Variants in ABCA12 observed in about 807,000 individuals in gnomAD.
ABCA12 encodes the protein glucosylceramide transporter ABCA12.
ABCA12 carries 156 observed loss-of-function variants against 293.5 expected under a neutral mutation model. That is an observed-to-expected ratio of 0.53 (90% confidence interval 0.47 to 0.61). ABCA12 has a LOEUF of 0.61. Among genes scored for constraint, ABCA12 ranks in the 20% least tolerant of loss-of-function variants. The pLI is 0.00. For missense variants in ABCA12, 2,797 were observed against 3,090.2 expected, an observed-to-expected ratio of 0.91 and a Z score of 2.25; for synonymous variants, 1,063 against 1,108.0, an observed-to-expected ratio of 0.96 and a Z score of 0.81.
intron 8 of ABCA12, 44 bp downstream of exon 8, chr2:215,036,909 C>T (rs1701006349): frequency 6.5e-7 from 1 of 1,537,254 alleles, no homozygotes; most frequent in Non-Finnish European, 9.0e-7. Flanking sequence ...TTCCAATGGG[C>T]TTTGTGACAC....
chr2:215,061,117 G>A (rs1379668349), intron 3 of ABCA12, among the ~76,000 whole-genome samples: 1 of 152,072 alleles, frequency 6.6e-6, no homozygotes, highest in Non-Finnish European at 1.5e-5. Flanking sequence ...GGAAAGAAAA[G>A]GGTAAGATCT....
At chr2:215,052,397 C>T in intron 5 of ABCA12, 90 bp downstream of exon 5, 1 of 1,105,234 alleles carries the variant, frequency 9.0e-7, no homozygotes, top group Non-Finnish European at 1.4e-6. Flanking sequence ...GAAAGGTGCT[C>T]CAAACATCTT....
At chr2:215,012,998 T>C (rs577292511) in intron 15 of ABCA12, 11 of 152,202 alleles carry the variant, frequency 7.2e-5, no homozygotes, top group Admixed American at 1.3e-4. Context: ...AGAAGAAACA[T>C]TGAAAATGTT....
chr2:214,994,084 C>T (rs531447606), intron 23 of ABCA12, among the ~76,000 whole-genome samples: 3 of 151,872 alleles, frequency 2.0e-5, no homozygotes, highest in Non-Finnish European at 4.4e-5. Context: ...GATTTTATGC[C>T]ACGAGGAAAA....
chr2:215,119,752 A>AAAC (rs1203424589), intron 1 of ABCA12, among the ~76,000 whole-genome samples: 3 of 142,966 alleles, frequency 2.1e-5, no homozygotes, highest in African/African-American at 8.8e-5. Flanking sequence ...AAAAAAAAAA[A>AAAC]TGAAAACAAA....
At chr2:215,004,177 C>G (rs1700203874) in intron 20 of ABCA12, 32 bp downstream of exon 20, 1 of 1,550,052 alleles carries the variant, frequency 6.5e-7, no homozygotes, top group Non-Finnish European at 8.9e-7. Flanking sequence ...CGACATGACT[C>G]ATGAATAAAA....
chr2:214,992,171 G>C (rs561353053), intron 23 of ABCA12, among the ~76,000 whole-genome samples: 1 of 152,132 alleles, frequency 6.6e-6, no homozygotes, highest in African/African-American at 2.4e-5. Context: ...GGCCGATCAC[G>C]GTGGCTCACG....
Position 214,986,665 on chromosome 2 carries a change from G to T in ABCA12, c.4040C>A (p.Ala1347Asp). Residue 1347 changes from alanine (A) to aspartate (D), a missense_variant, in exon 28 of 53, where the codon GCC becomes GAC. Physicochemically the swap from Ala to Asp is moderately radical, Grantham distance 126. Coordinates refer to ENST00000272895, the MANE Select transcript of ABCA12 (RefSeq NM_173076.3). ...PEPKDLTVGV[A>D]LHGVTKIYGS... ...ATAGATCTTTGTGACCCCATGCAGG[G>T]CAACCCCGACTGTGAGATCTTTAGG... The T allele has an allele frequency of 6.2e-7, 1 of 1,614,108 alleles. No individual in the cohort carries two copies. Among genetic ancestry groups the T allele is most frequent in the Non-Finnish European group, 8.5e-7 (1 of 1,179,998 alleles).
intron 2 of ABCA12, among the ~76,000 whole-genome samples, chr2:215,107,723 A>G (rs1359371866): frequency 1.3e-5 from 2 of 152,220 alleles, no homozygotes; most frequent in East Asian, 3.8e-4. Context: ...TATTTGTTCT[A>G]AATGAGTTAT....
intron 7 of ABCA12, among the ~76,000 whole-genome samples, chr2:215,044,230 T>C (rs1033236694): frequency 6.6e-6 from 1 of 152,156 alleles, no homozygotes; most frequent in African/African-American, 2.4e-5. Context: ...TTAGAAGCTG[T>C]CACACTATTT....
intron 2 of ABCA12, among the ~76,000 whole-genome samples, chr2:215,078,250 T>C (rs1278113740): frequency 6.6e-6 from 1 of 152,190 alleles, no homozygotes; most frequent in Non-Finnish European, 1.5e-5. Flanking sequence ...TTAAAAACAA[T>C]AGCCAGGGAA....
chr2:214,936,491 T>C (rs1171793080), intron 51 of ABCA12, among the ~76,000 whole-genome samples: 1 of 152,230 alleles, frequency 6.6e-6, no homozygotes, highest in Non-Finnish European at 1.5e-5. Flanking sequence ...CACGTCTGAT[T>C]TCCTTTCAAA....
chr2:214,965,260 A>G (rs1397113397), intron 39 of ABCA12, among the ~76,000 whole-genome samples: 1 of 152,190 alleles, frequency 6.6e-6, no homozygotes, highest in Non-Finnish European at 1.5e-5. Context: ...TGTAAAACCC[A>G]AAACTATAAA....
At chr2:215,061,235 T>C (rs1701521516) in intron 3 of ABCA12, among the ~76,000 whole-genome samples, 1 of 152,092 alleles carries the variant, frequency 6.6e-6, no homozygotes, top group South Asian at 2.1e-4. Context: ...TGTTGGATTT[T>C]TTTTTAAACA....
chr2:214,966,035 C>T (rs1350519982), intron 39 of ABCA12, among the ~76,000 whole-genome samples: 1 of 152,182 alleles, frequency 6.6e-6, no homozygotes, highest in Non-Finnish European at 1.5e-5. Context: ...TACACATACA[C>T]CATGGAATAC....
At chr2:215,088,664 G>A (rs1332851346) in intron 2 of ABCA12, among the ~76,000 whole-genome samples, 1 of 152,148 alleles carries the variant, frequency 6.6e-6, no homozygotes, top group Non-Finnish European at 1.5e-5. Context: ...GGCTTAGTTT[G>A]ACATTATTTG....
intron 11 of ABCA12, among the ~76,000 whole-genome samples, chr2:215,025,055 G>T (rs1014338446): frequency 6.6e-6 from 1 of 152,154 alleles, no homozygotes; most frequent in East Asian, 1.9e-4. Flanking sequence ...TTTGTATGCT[G>T]TGAAATCTAA....
At chr2:214,983,023 G>C (rs910485954) in intron 29 of ABCA12, among the ~76,000 whole-genome samples, 15 of 152,152 alleles carry the variant, frequency 9.9e-5, no homozygotes, top group Admixed American at 9.8e-4. Context: ...CCATCTGGGG[G>C]GGTAGGTGCT....
chr2:215,032,129 C>T, intron 8 of ABCA12: 1 of 1,380,960 alleles, frequency 7.2e-7, no homozygotes, highest in Non-Finnish European at 9.4e-7. Flanking sequence ...CAAGCATATG[C>T]ATTTCTAACA....
Sources: gnomAD v4.1 joint callset for allele counts (sites outside exome capture counted in the v4.1 genomes callset) on GRCh38, gnomAD v4.1.1 for gene constraint, MANE v1.5 for transcripts, NCBI Gene and HGNC (gene_info 2026-07-23, HGNC 2026-07-21) for gene names.